Variants in STXBP2 observed in about 807,000 individuals in gnomAD.
The protein encoded by STXBP2 is syntaxin binding protein 2.
STXBP2 carries 47 observed loss-of-function variants against 72.2 expected under a neutral mutation model. The ratio of observed to expected loss-of-function variants is 0.65; its 90% confidence interval spans 0.51 to 0.83. The LOEUF (loss-of-function observed/expected upper bound fraction) is 0.83. STXBP2 is among the 40% of genes least tolerant of loss of function. The pLI is 0.00. For synonymous variants in STXBP2, 367 were observed against 338.7 expected (o/e 1.08, Z -0.92); for missense variants, 702 against 807.6 (o/e 0.87, Z 1.58).
chr19:7,639,667 G>T, intron 3 of STXBP2, 64 bp from the exon 4 acceptor site: 1 of 1,519,384 alleles, frequency 6.6e-7, no homozygotes, highest in South Asian at 1.2e-5. Context: ...CCCCACACCT[G>T]AGACTCCCCA....
chr19:7,635,434 C>T (rs1295793671), upstream of STXBP2, among the ~76,000 whole-genome samples: 1 of 152,198 alleles, frequency 6.6e-6, no homozygotes, highest in Non-Finnish European at 1.5e-5. Flanking sequence ...GTGGCTCATA[C>T]CTAAAATCCT....
upstream of STXBP2, chr19:7,637,105 A>G: frequency 1.6e-6 from 2 of 1,236,976 alleles, no homozygotes; most frequent in Non-Finnish European, 2.0e-6. Context: ...CCACGCCCCC[A>G]CCTTGGGACA....
upstream of STXBP2, chr19:7,632,637 A>C (rs551692408): frequency 8.3e-6 from 13 of 1,570,054 alleles, no homozygotes; most frequent in Non-Finnish European, 1.1e-5. The surrounding 1 kb of genome is among the most constrained non-coding windows in gnomAD (Gnocchi z 5.2). Context: ...CCGTGCCCCC[A>C]GGCCCTCCAG....
chr19:7,638,996 CATCT>C lies in STXBP2; in HGVS notation c.88-22_88-19del, dbSNP rs2031681172. 1.2e-6 allele frequency: 2 copies of C among 1,613,770 alleles called. No individual in the cohort carries two copies. Among genetic ancestry groups the C allele is most frequent in the South Asian group, 2.2e-5 (2 of 91,080 alleles). ...GGCCTCTTCCGCCTGCTCCTCCATC[CATCT>C]GTCCATCCATCTGGACAGGTGCTTA... On this transcript the variant is annotated intron_variant, in intron 2 of 18. Coordinates refer to ENST00000221283, the MANE Select transcript of STXBP2 (RefSeq NM_006949.4).
At chr19:7,639,642 C>G in intron 3 of STXBP2, 89 bp from the exon 4 acceptor site, 1 of 1,278,038 alleles carries the variant, frequency 7.8e-7, no homozygotes, top group East Asian at 2.5e-5. Flanking sequence ...ACCCCTCCTC[C>G]CCAAGCCTCC....
At chr19:7,632,986 T>C, upstream of STXBP2, 1 of 1,434,224 alleles carries the variant, frequency 7.0e-7, no homozygotes. The surrounding 1 kb of genome is among the most constrained non-coding windows in gnomAD (Gnocchi z 5.2). Flanking sequence ...GCAGAGCTGT[T>C]CTGAATGAGA....
intron 4 of STXBP2, 76 bp from the exon 5 acceptor site, chr19:7,640,655 G>C (rs1277814423): frequency 1.9e-6 from 3 of 1,576,226 alleles, no homozygotes; most frequent in Non-Finnish European, 2.6e-6. Context: ...GCAGATGGGG[G>C]GTGGCTGGGA....
At position 7,640,991 on chromosome 19, in the gene STXBP2, C is replaced by T. The variant is rs756584035; in HGVS notation, c.417C>T (p.Pro139=). ...TLKEIHLAFL[P]YEAQVFSLDA... ...AGGAGATTCACCTTGCCTTCCTCCC[C>T]TACGAGGCCCAGGTACGGCCCGGGC... Residue 139 remains proline (P), a synonymous_variant, in exon 6 of 19, where the codon CCC becomes CCT. Transcript: ENST00000221283. 6.2e-7 allele frequency: 1 copy of T among 1,614,044 alleles called. No individual in the cohort carries two copies. The highest frequency in any genetic ancestry group is 8.5e-7 in the Non-Finnish European group (1 of 1,180,022).
intron 4 of STXBP2, chr19:7,640,143 C>A (rs761799955): frequency 1.1e-4 from 55 of 482,462 alleles, no homozygotes; most frequent in South Asian, 8.8e-4. Flanking sequence ...TGTGTGTGTG[C>A]ATCTGTGTGC....
At chr19:7,637,230 C>A in intron 1 of STXBP2, 44 bp downstream of exon 1, 1 of 1,105,066 alleles carries the variant, frequency 9.0e-7, no homozygotes, top group Non-Finnish European at 1.1e-6. Context: ...CGGTGTGGGA[C>A]GGGGGTCGGG....
In STXBP2 at chr19:7,642,750, C is replaced by CT. The variant is rs747793402; in HGVS notation, c.903-16_903-15insT. ...CCTCTCCCCTCACTCTCACCCCCGCCCACCCTCATGGCCAGGAAGGTCACG... is the reference window on the plus strand; with the variant it reads ...CCTCTCCCCTCACTCTCACCCCCGCCTCACCCTCATGGCCAGGAAGGTCACG... On this transcript the variant is annotated splice_polypyrimidine_tract_variant and intron_variant, in intron 10 of 18. Transcript: ENST00000221283. The surrounding 1 kb of genome is among the most constrained non-coding windows in gnomAD (Gnocchi z 6.0). 6 of 1,613,692 alleles carry CT rather than the reference C, an allele frequency of 3.7e-6. No homozygotes were observed. The highest frequency in any genetic ancestry group is 4.2e-6 in the Non-Finnish European group (5 of 1,179,900).
chr19:7,641,652 C>T, intron 6 of STXBP2, 53 bp from the exon 7 acceptor site: 1 of 1,548,956 alleles, frequency 6.5e-7, no homozygotes, highest in South Asian at 1.2e-5. Flanking sequence ...GGAAGCGGGG[C>T]AGGTGTGCAC....
intron 16 of STXBP2, 27 bp from the exon 17 acceptor site, chr19:7,647,135 T>C (rs1599407801): frequency 6.2e-7 from 1 of 1,609,724 alleles, no homozygotes. Flanking sequence ...CTGGGGTTCC[T>C]CCCCTAACCT....
In STXBP2 at chr19:7,645,249, G is replaced by A. The variant is rs542699433; in HGVS notation, c.1299G>A (p.Ala433=). 8.1e-5 allele frequency: 128 copies of A among 1,582,850 alleles called. 1 individual carries two copies. The South Asian group carries it at 1.3e-3, about 16-fold the overall frequency. ...AKLIQHANVQ[A]HSSLIRNLEQ... ...TGATCCAGCATGCCAATGTACAGGC[G>A]CACAGCAGCCTCATCCGTAACCTGG... The change falls in exon 15 of 19, where the codon GCG becomes GCA. Residue 433 remains alanine (A), a synonymous_variant. Transcript: ENST00000221283.
Position 7,644,801 on chromosome 19 carries a change from C to T in STXBP2, c.1246+49C>T, listed in dbSNP as rs200162639. The T allele has an allele frequency of 9.3e-6, 15 of 1,612,502 alleles. No individual in the cohort carries two copies. The East Asian group carries it at 3.3e-4, about 36-fold the overall frequency. On this transcript the variant is annotated intron_variant, in intron 14 of 18. Transcript: ENST00000221283. ...GGAACGTCCCCATTTGCCAGCGTCTCCCACGATCCTGGGAACTGCTGAACC... is the reference window on the plus strand; with the variant it reads ...GGAACGTCCCCATTTGCCAGCGTCTTCCACGATCCTGGGAACTGCTGAACC...
At chr19:7,645,824 C>T in intron 15 of STXBP2, 1 of 335,140 alleles carries the variant, frequency 3.0e-6, no homozygotes, top group East Asian at 4.8e-5. Context: ...ACTGTTTCTC[C>T]ATATCTCTCT....
intron 4 of STXBP2, chr19:7,640,270 A>C: frequency 2.1e-6 from 1 of 482,264 alleles, no homozygotes; most frequent in Non-Finnish European, 3.9e-6. Context: ...GTATGCGTGT[A>C]TATGTATGTG....
At position 7,640,274 on chromosome 19, in the gene STXBP2, G is replaced by A. The variant is rs1198994131; in HGVS notation, c.247-457G>A. On this transcript the variant is annotated intron_variant, in intron 4 of 18. Coordinates refer to ENST00000221283, the MANE Select transcript of STXBP2 (RefSeq NM_006949.4). The stretch of plus-strand genomic sequence containing the variant: ...TGTGCATGTGTGTATGCGTGTATAT[G>A]TATGTGCATCTGTGTGCATGTGTCT... The A allele has an allele frequency of 4.7e-5, 26 of 550,258 alleles. No homozygotes were observed. The East Asian group carries it at 1.0e-3, about 22-fold the overall frequency. The allele number at this position is 550,258 out of a possible 1,614,324, so 34.1% of individuals were successfully genotyped here. A position where few individuals can be genotyped will look rare whatever the true frequency, so the allele number is the denominator to read the frequency against.
the STXBP2 span, chr19:7,631,802 C>T: frequency 7.1e-7 from 1 of 1,414,308 alleles, no homozygotes; most frequent in Non-Finnish European, 9.3e-7. Context: ...CGTTTCTGTG[C>T]TCCGTCCTGT....
Sources: gnomAD v4.1 joint callset for allele counts (sites outside exome capture counted in the v4.1 genomes callset) on GRCh38, gnomAD v4.1.1 for gene constraint, Gnocchi (gnomAD v3.1) non-coding constraint, MANE v1.5 for transcripts, NCBI Gene and HGNC (gene_info 2026-07-23, HGNC 2026-07-21) for gene names.